PSMA1: variants seen among roughly 807,000 people sequenced by gnomAD.
PSMA1 encodes proteasome 20S subunit alpha 1, also known as proteasome subunit alpha type-1.
In PSMA1, 3 loss-of-function variants were observed where a neutral mutation model predicts 38.4. The observed-to-expected ratio is 0.08, with a 90% confidence interval of 0.04 to 0.20. The LOEUF is 0.20. Ranked by LOEUF, PSMA1 falls within the 10% of genes least tolerant of loss-of-function variation. PSMA1 has a pLI of 1.00. For missense variants in PSMA1, 227 were observed against 325.3 expected, an observed-to-expected ratio of 0.70 and a Z score of 2.32; for synonymous variants, 101 against 107.1, an observed-to-expected ratio of 0.94 and a Z score of 0.35.
chr11:14,609,216 G>A (rs965706097), intron 2 of PSMA1, among the ~76,000 whole-genome samples: 7 of 152,156 alleles, frequency 4.6e-5, no homozygotes, highest in Non-Finnish European at 2.9e-5. Context: ...GAAAATTATG[G>A]TTCCAGATCA....
At chr11:14,531,170 G>A (rs1851643893) in intron 2 of PSMA1, among the ~76,000 whole-genome samples, 2 of 151,760 alleles carry the variant, frequency 1.3e-5, no homozygotes, top group South Asian at 4.2e-4. Flanking sequence ...AGATTCAGAG[G>A]GTACATGTGC....
chr11:14,520,474 A>G, upstream of PSMA1: 2 of 1,503,540 alleles, frequency 1.3e-6, no homozygotes, highest in Non-Finnish European at 1.8e-6. Context: ...CCCCCTCCTT[A>G]AAACTTTCCG....
chr11:14,537,331 C>T (rs1052717365), intron 2 of PSMA1, among the ~76,000 whole-genome samples: 2 of 152,216 alleles, frequency 1.3e-5, no homozygotes, highest in African/African-American at 2.4e-5. Context: ...TAAGGTAAGA[C>T]TTCCCTTAAG....
intron 1 of PSMA1, among the ~76,000 whole-genome samples, chr11:14,637,551 CT>C (rs1319632882): frequency 6.6e-6 from 1 of 152,006 alleles, no homozygotes; most frequent in Non-Finnish European, 1.5e-5. Context: ...TTTGTCTTCC[CT>C]ATGTTTAATG....
rs187317136 is a variant in PSMA1, at chr11:14,591,161, G to A, written c.21+19805C>T. On this transcript the variant is annotated intron_variant, in intron 2 of 10. Coordinates refer to the PSMA1 transcript ENST00000418988. ...TGGTGGGCCTGCACTCGGAGCAGCC[G>A]GCCGGCCCTGCCGGCCCTGGGCAGT... Among the ~76,000 whole-genome samples the A allele has an allele frequency of 3.1e-4, 47 of 152,360 alleles. 1 individual carries two copies. Among genetic ancestry groups the A allele is most frequent in the African/African-American group, 9.9e-4 (41 of 41,586 alleles).
chr11:14,627,880 T>C (rs1016147695), intron 1 of PSMA1, among the ~76,000 whole-genome samples: 1 of 152,184 alleles, frequency 6.6e-6, no homozygotes, highest in East Asian at 1.9e-4. Flanking sequence ...TTAAATCTCA[T>C]CTACTTTATG....
intron 2 of PSMA1, among the ~76,000 whole-genome samples, chr11:14,544,177 A>G (rs1851801309): frequency 1.3e-5 from 2 of 152,076 alleles, no homozygotes; most frequent in African/African-American, 4.8e-5. Context: ...CCACAGGCGC[A>G]CAACACCAAG....
chr11:14,601,851 G>A (rs1208990619), intron 2 of PSMA1, among the ~76,000 whole-genome samples: 1 of 152,162 alleles, frequency 6.6e-6, no homozygotes, highest in African/African-American at 2.4e-5. Context: ...TGAGAATTCT[G>A]TCAAGGTCCA....
At chr11:14,526,804 C>T (rs1361178115) in intron 2 of PSMA1, among the ~76,000 whole-genome samples, 1 of 152,142 alleles carries the variant, frequency 6.6e-6, no homozygotes, top group Non-Finnish European at 1.5e-5. Context: ...ACCCTGATCA[C>T]ACTTGGCTTA....
chr11:14,559,846 C>G (rs1047066212), intron 2 of PSMA1, among the ~76,000 whole-genome samples: 3 of 152,150 alleles, frequency 2.0e-5, no homozygotes, highest in Non-Finnish European at 2.9e-5. Context: ...TATTTGCAGG[C>G]AGGGAGTTTA....
intron 2 of PSMA1, among the ~76,000 whole-genome samples, chr11:14,586,963 T>C (rs1023167491): frequency 6.6e-6 from 1 of 152,176 alleles, no homozygotes; most frequent in African/African-American, 2.4e-5. Context: ...GGTTCCACTA[T>C]GTTGGCCAGG....
intron 5 of PSMA1, chr11:14,514,131 A>T: frequency 7.6e-7 from 1 of 1,323,102 alleles, no homozygotes; most frequent in Non-Finnish European, 9.6e-7. Flanking sequence ...TTTGGATACA[A>T]GGGGTCTAGG....
chr11:14,616,243 T>C (rs1852772028), intron 1 of PSMA1, among the ~76,000 whole-genome samples: 1 of 150,238 alleles, frequency 6.7e-6, no homozygotes, highest in Admixed American at 6.6e-5. Flanking sequence ...TTTTTTTTTT[T>C]TTTTTTTTGA....
chr11:14,628,102 G>C (rs1852939096), intron 1 of PSMA1, among the ~76,000 whole-genome samples: 1 of 152,192 alleles, frequency 6.6e-6, no homozygotes, highest in South Asian at 2.1e-4. Context: ...TTTGTGAACT[G>C]CGCATGCAAG....
intron 1 of PSMA1, among the ~76,000 whole-genome samples, chr11:14,640,122 G>C (rs1055660238): frequency 1.3e-5 from 2 of 152,156 alleles, no homozygotes; most frequent in African/African-American, 2.4e-5. Context: ...GCTGGTAGAG[G>C]GGGGATGGTA....
At chr11:14,508,247 C>T (rs1851279996) in intron 8 of PSMA1, among the ~76,000 whole-genome samples, 1 of 152,080 alleles carries the variant, frequency 6.6e-6, no homozygotes, top group African/African-American at 2.4e-5. Flanking sequence ...AGCTGAAAAC[C>T]TTGTTCCTAT....
intron 2 of PSMA1, among the ~76,000 whole-genome samples, chr11:14,557,381 G>A (rs976616439): frequency 2.0e-5 from 3 of 152,092 alleles, no homozygotes; most frequent in African/African-American, 7.2e-5. Flanking sequence ...GGGACTACAG[G>A]TGCACAAGCG....
chr11:14,562,623 T>C (rs1189518246), intron 2 of PSMA1, among the ~76,000 whole-genome samples: 2 of 152,088 alleles, frequency 1.3e-5, no homozygotes, highest in Non-Finnish European at 2.9e-5. Context: ...CTTCTATTCA[T>C]GAGCATTTTT....
At chr11:14,626,940 G>A (rs957647252) in intron 1 of PSMA1, among the ~76,000 whole-genome samples, 1 of 152,110 alleles carries the variant, frequency 6.6e-6, no homozygotes, top group Non-Finnish European at 1.5e-5. Flanking sequence ...CACAGTTCTG[G>A]AGGCTAGAAA....
Sources: gnomAD v4.1 joint callset for allele counts (sites outside exome capture counted in the v4.1 genomes callset) on GRCh38, gnomAD v4.1.1 for gene constraint, MANE v1.5 for transcripts, NCBI Gene and HGNC (gene_info 2026-07-23, HGNC 2026-07-21) for gene names.